FGF14: variants seen among roughly 807,000 people sequenced by gnomAD.
FGF14 encodes fibroblast growth factor homologous factor 4.
FGF14 carries 5 observed loss-of-function variants against 25.5 expected under a neutral mutation model. The ratio of observed to expected loss-of-function variants is 0.20; its 90% CI spans 0.10 to 0.41. The LOEUF (loss-of-function observed/expected upper bound fraction) is 0.41, where lower values mean the gene tolerates loss of function less well. Among genes scored for constraint, FGF14 ranks in the 10% least tolerant of loss-of-function variants. FGF14 has a pLI of 1.00. For missense variants in FGF14, 222 were observed against 320.1 expected (o/e 0.69, Z 2.34); for synonymous variants, 138 against 118.3 (o/e 1.17, Z -1.08).
chr13:102,327,874 T>C (rs1300755819), intron 1 of FGF14, among the ~76,000 whole-genome samples: 2 of 138,966 alleles, frequency 1.4e-5, no homozygotes, highest in Admixed American at 7.3e-5. Context: ...AAAAAGGATA[T>C]CAAGAATTGA....
chr13:102,254,348 C>T (rs189493342), intron 1 of FGF14, among the ~76,000 whole-genome samples: 1 of 152,234 alleles, frequency 6.6e-6, no homozygotes, highest in African/African-American at 2.4e-5. Context: ...TACTGGAGCT[C>T]TGGATCAGAT....
At chr13:102,284,282 C>T (rs1273398387) in intron 1 of FGF14, among the ~76,000 whole-genome samples, 1 of 152,118 alleles carries the variant, frequency 6.6e-6, no homozygotes, top group African/African-American at 2.4e-5. Context: ...TTATCTTGAT[C>T]TTATAAAGGA....
intron 1 of FGF14, among the ~76,000 whole-genome samples, chr13:101,910,695 T>C (rs1285522733): frequency 6.6e-6 from 1 of 152,128 alleles, no homozygotes; most frequent in Non-Finnish European, 1.5e-5. Context: ...TGGTGACATT[T>C]TCATGTGATC....
At chr13:101,794,441 C>G (rs947104949) in intron 3 of FGF14, among the ~76,000 whole-genome samples, 29 of 152,092 alleles carry the variant, frequency 1.9e-4, no homozygotes, top group Non-Finnish European at 3.8e-4. Flanking sequence ...GCAAACCAAG[C>G]AGGACCACTT....
chr13:101,910,149 C>T (rs2032756706), intron 1 of FGF14, among the ~76,000 whole-genome samples: 1 of 151,888 alleles, frequency 6.6e-6, no homozygotes, highest in Non-Finnish European at 1.5e-5. Flanking sequence ...TGTTAAATGA[C>T]GAGTTACTGG....
At chr13:101,975,851 G>T (rs1330016487) in intron 1 of FGF14, among the ~76,000 whole-genome samples, 1 of 152,104 alleles carries the variant, frequency 6.6e-6, no homozygotes, top group East Asian at 1.9e-4. Flanking sequence ...TGACAGGAGA[G>T]AACAAAATCC....
chr13:101,964,503 C>T (rs2037062603), intron 1 of FGF14, among the ~76,000 whole-genome samples: 1 of 152,134 alleles, frequency 6.6e-6, no homozygotes, highest in South Asian at 2.1e-4. Context: ...GTGACATTGC[C>T]TGACACCCGT....
intron 1 of FGF14, among the ~76,000 whole-genome samples, chr13:102,321,467 G>C (rs543914692): frequency 1.3e-5 from 2 of 151,936 alleles, no homozygotes; most frequent in South Asian, 4.2e-4. Context: ...TGCTTCCCAG[G>C]GTCATTATAA....
intron 1 of FGF14, among the ~76,000 whole-genome samples, chr13:102,224,578 AT>A (rs1261222023): frequency 1.3e-5 from 2 of 152,196 alleles, no homozygotes; most frequent in African/African-American, 4.8e-5. Flanking sequence ...GACAAAAAAA[AT>A]AATTTTAAAA....
rs150707930 is a variant in FGF14, at chr13:102,333,457, G to A, written c.208+68014C>T. Among the ~76,000 whole-genome samples the A allele has an allele frequency of 1.4e-3, 206 of 152,240 alleles. 2 individuals are homozygous for A. The highest frequency in any genetic ancestry group is 4.6e-3 in the African/African-American group (193 of 41,550). ...AGCAAGATTTAAAGCTTATGTCATT[G>A]GTTCTAAACTGAGTCCCCTGCTATA... On this transcript the variant is annotated intron_variant, in intron 1 of 4. Transcript: ENST00000376131.
In FGF14 at chr13:101,865,454, C is replaced by T. The variant is rs191793691; in HGVS notation, c.408+3271G>A. Among the ~76,000 whole-genome samples the T allele has an allele frequency of 5.9e-5, 9 of 152,216 alleles. No individual in the cohort carries two copies. In the South Asian group the frequency reaches 1.2e-3, roughly 21 times the overall value. ...CCACACTGTACCTTCAATCAAATGGCTTGTATCCGACATTAAATCTCTTGT... is the reference window on the plus strand; with the variant it reads ...CCACACTGTACCTTCAATCAAATGGTTTGTATCCGACATTAAATCTCTTGT... On this transcript the variant is annotated intron_variant, in intron 3 of 4. Transcript: ENST00000376143.
chr13:101,994,410 A>G (rs1294021676), intron 1 of FGF14, among the ~76,000 whole-genome samples: 1 of 152,074 alleles, frequency 6.6e-6, no homozygotes, highest in Non-Finnish European at 1.5e-5. Context: ...TGTCTTTTGA[A>G]AAATCTCAAG....
rs188380515 is a variant in FGF14, at chr13:102,305,985, T to C, written c.208+95486A>G. 1.8e-3 allele frequency among the ~76,000 whole-genome samples: 271 copies of C among 152,276 alleles called. 1 individual carries two copies. The highest frequency in any genetic ancestry group is 6.0e-3 in the African/African-American group (251 of 41,562). The stretch of plus-strand genomic sequence containing the variant: ...GGAGATAAATGCTAAATAATTTCAA[T>C]GCCCTGCCCTGCCCACAAATAAAGC... On this transcript the variant is annotated intron_variant, in intron 1 of 4. Coordinates refer to the FGF14 transcript ENST00000376131.
At chr13:102,076,056 T>C (rs1360541679) in intron 1 of FGF14, among the ~76,000 whole-genome samples, 2 of 152,142 alleles carry the variant, frequency 1.3e-5, no homozygotes, top group Non-Finnish European at 2.9e-5. Context: ...AAAAAAGTTA[T>C]AGTAAGATAA....
intron 1 of FGF14, among the ~76,000 whole-genome samples, chr13:102,342,916 TTGAG>T (rs2056995022): frequency 6.6e-6 from 1 of 152,126 alleles, no homozygotes; most frequent in Non-Finnish European, 1.5e-5. Context: ...ATATAAGTAT[TTGAG>T]TAAGAACTGA....
chr13:102,140,566 A>G (rs1031374392), intron 1 of FGF14, among the ~76,000 whole-genome samples: 41 of 152,346 alleles, frequency 2.7e-4, no homozygotes, highest in African/African-American at 9.9e-4. Flanking sequence ...GTGATTTATC[A>G]TTACCTATGC....
At chr13:102,058,127 C>G (rs1034476805) in intron 1 of FGF14, among the ~76,000 whole-genome samples, 5 of 152,182 alleles carry the variant, frequency 3.3e-5, no homozygotes, top group African/African-American at 1.2e-4. Context: ...AACATTGCTA[C>G]AGAGAAGCTA....
In FGF14 at chr13:101,744,681, G is replaced by T. The variant is rs191449659; in HGVS notation, c.409-17871C>A. On this transcript the variant is annotated intron_variant, in intron 3 of 4. Coordinates refer to ENST00000376143, the MANE Select transcript of FGF14 (RefSeq NM_004115.4). ...AATAGCTTTTAAATCTAAGAGCTAG[G>T]GGATGTAAATATTCCCATTGTATAC... Among the ~76,000 whole-genome samples, 4 of 152,000 alleles carry T rather than the reference G, an allele frequency of 2.6e-5. No homozygotes were observed. The South Asian group carries it at 8.3e-4, about 32-fold the overall frequency.
intron 1 of FGF14, among the ~76,000 whole-genome samples, chr13:102,252,925 T>C (rs1335551198): frequency 6.6e-6 from 1 of 152,198 alleles, no homozygotes; most frequent in Non-Finnish European, 1.5e-5. Flanking sequence ...TGATGTTTGG[T>C]TTTCTGTTCT....
Sources: allele counts gnomAD v4.1 joint callset (sites outside exome capture counted in the v4.1 genomes callset), GRCh38; gene constraint gnomAD v4.1.1; transcripts MANE v1.5; gene names NCBI Gene and HGNC (gene_info 2026-07-23, HGNC 2026-07-21).